TLL1: variants seen among roughly 807,000 people sequenced by gnomAD.
TLL1 encodes the protein tolloid like 1, also known as tolloid-like protein 1.
In TLL1, 49 loss-of-function variants were observed where a neutral mutation model predicts 128.2. The observed-to-expected ratio is 0.38, with a 90% CI of 0.30 to 0.48. The LOEUF is 0.48. Ranked by LOEUF, TLL1 falls within the 20% of genes least tolerant of loss-of-function variation. The pLI is 0.96. For missense variants in TLL1, 1,123 were observed against 1,242.0 expected, an observed-to-expected ratio of 0.90 and a Z score of 1.44; for synonymous variants, 454 against 418.8, an observed-to-expected ratio of 1.08 and a Z score of -1.03.
intron 16 of TLL1, among the ~76,000 whole-genome samples, chr4:166,069,996 G>C (rs1740738987): frequency 6.6e-6 from 1 of 151,744 alleles, no homozygotes; most frequent in African/African-American, 2.4e-5. Flanking sequence ...ACATTATGTA[G>C]AATTATGTGT....
chr4:166,031,703 T>A lies in TLL1; in HGVS notation c.1158+6272T>A, dbSNP rs536965771. Among the ~76,000 whole-genome samples the A allele has an allele frequency of 3.9e-4, 59 of 152,220 alleles. 1 individual carries two copies. In the South Asian group the frequency reaches 8.9e-3, roughly 23 times the overall value. On this transcript the variant is annotated intron_variant, in intron 9 of 20. Coordinates refer to ENST00000061240, the MANE Select transcript of TLL1 (RefSeq NM_012464.5). The stretch of plus-strand genomic sequence containing the variant: ...TTGATTCCAATAATATGAGTTTATT[T>A]CAATGTTATAAAATATGTTAATTTG...
intron 1 of TLL1, among the ~76,000 whole-genome samples, chr4:165,915,187 G>A (rs768202930): frequency 6.6e-6 from 1 of 152,080 alleles, no homozygotes; most frequent in Non-Finnish European, 1.5e-5. Context: ...TCATACATAT[G>A]TACTATAAGT....
At chr4:166,076,221 C>T (rs1170511501) in intron 17 of TLL1, among the ~76,000 whole-genome samples, 5 of 152,094 alleles carry the variant, frequency 3.3e-5, no homozygotes, top group African/African-American at 1.2e-4. Flanking sequence ...TACAGGTGCA[C>T]ACCACCATGC....
chr4:166,017,363 T>C (rs1245195853), intron 8 of TLL1, among the ~76,000 whole-genome samples: 3 of 152,172 alleles, frequency 2.0e-5, no homozygotes, highest in Non-Finnish European at 4.4e-5. Flanking sequence ...GTTGATTCCA[T>C]GGCCTTGCTA....
chr4:165,973,064 G>T (rs912129609), intron 1 of TLL1, among the ~76,000 whole-genome samples: 1 of 152,142 alleles, frequency 6.6e-6, no homozygotes, highest in Admixed American at 6.5e-5. Context: ...GGAGCTGTCT[G>T]TATTAGTCAG....
intron 1 of TLL1, among the ~76,000 whole-genome samples, chr4:165,924,500 G>A (rs1733182201): frequency 6.6e-6 from 1 of 152,208 alleles, no homozygotes; most frequent in Non-Finnish European, 1.5e-5. Context: ...GGCTGAGTGA[G>A]GTGAGGAAGC....
At chr4:166,007,395 TA>T (rs1290351829) in intron 6 of TLL1, among the ~76,000 whole-genome samples, 1 of 151,728 alleles carries the variant, frequency 6.6e-6, no homozygotes, top group Non-Finnish European at 1.5e-5. Flanking sequence ...GTTTCATTTT[TA>T]AATGAAAGTA....
At chr4:165,967,517 A>G (rs930875906) in intron 1 of TLL1, among the ~76,000 whole-genome samples, 1 of 152,230 alleles carries the variant, frequency 6.6e-6, no homozygotes, top group Non-Finnish European at 1.5e-5. Flanking sequence ...TTCTTCTGCC[A>G]TGGCTTTGGC....
chr4:166,060,520 G>T (rs1303665650), intron 15 of TLL1, among the ~76,000 whole-genome samples: 1 of 152,024 alleles, frequency 6.6e-6, no homozygotes, highest in East Asian at 1.9e-4. Flanking sequence ...CCAAAACCCT[G>T]TGGCTGAGTC....
chr4:166,026,550 G>A (rs1320116947), intron 9 of TLL1, among the ~76,000 whole-genome samples: 1 of 152,222 alleles, frequency 6.6e-6, no homozygotes, highest in African/African-American at 2.4e-5. Context: ...AGCTGGGCAT[G>A]TTGGCATGTG....
chr4:165,985,931 G>A (rs1195864049), intron 1 of TLL1, among the ~76,000 whole-genome samples: 1 of 151,780 alleles, frequency 6.6e-6, no homozygotes, highest in East Asian at 1.9e-4. Flanking sequence ...TTGACCATAA[G>A]AATCCAAGCA....
At chr4:166,036,789 C>CTGTGTGTGTGTGTGTGTG (rs3047083) in intron 9 of TLL1, among the ~76,000 whole-genome samples, 4 of 145,122 alleles carry the variant, frequency 2.8e-5, no homozygotes, top group African/African-American at 7.7e-5. Context: ...CCCTATCCAA[C>CTGTGTGTGTGTGTGTGTG]TGTGTGTGTG....
At chr4:165,998,883 T>C (rs541296529) in intron 5 of TLL1, among the ~76,000 whole-genome samples, 2 of 152,282 alleles carry the variant, frequency 1.3e-5, no homozygotes, top group South Asian at 4.1e-4. Context: ...TTTGGGAATG[T>C]AGAGTTGAAC....
At chr4:166,029,334 A>C (rs1333092910) in intron 9 of TLL1, among the ~76,000 whole-genome samples, 3 of 152,010 alleles carry the variant, frequency 2.0e-5, no homozygotes, top group African/African-American at 7.2e-5. Context: ...AGGATCTTAA[A>C]ACATATAAGA....
At chr4:165,980,824 G>C (rs558415916) in intron 1 of TLL1, among the ~76,000 whole-genome samples, 1 of 151,958 alleles carries the variant, frequency 6.6e-6, no homozygotes, top group African/African-American at 2.4e-5. Context: ...CTATTGCCTA[G>C]CACAATATCA....
At position 165,972,125 on chromosome 4, in the gene TLL1, G is replaced by A. The variant is rs1735656551; in HGVS notation, c.170-17256G>A. ...TCTGGAAGTTGTGCCAGCCACCTGT[G>A]TGAATCATACTTATATATTTTATGA... On this transcript the variant is annotated intron_variant, in intron 1 of 20. Transcript: ENST00000061240. 2.6e-5 allele frequency among the ~76,000 whole-genome samples: 4 copies of A among 152,176 alleles called. No individual in the cohort carries two copies. In the South Asian group the frequency reaches 8.3e-4, roughly 32 times the overall value.
chr4:166,047,190 T>A (rs1205034392), intron 12 of TLL1, among the ~76,000 whole-genome samples: 2 of 151,526 alleles, frequency 1.3e-5, no homozygotes, highest in Non-Finnish European at 2.9e-5. Context: ...TGAGATGGAG[T>A]CTTGCTCTGT....
At chr4:166,039,062 C>T (rs1435387819) in intron 9 of TLL1, among the ~76,000 whole-genome samples, 1 of 151,816 alleles carries the variant, frequency 6.6e-6, no homozygotes, top group Non-Finnish European at 1.5e-5. Flanking sequence ...TCCAGATTAA[C>T]TTTACAGAAA....
chr4:165,884,093 A>C (rs1731076185), intron 1 of TLL1, among the ~76,000 whole-genome samples: 1 of 152,212 alleles, frequency 6.6e-6, no homozygotes, highest in African/African-American at 2.4e-5. Flanking sequence ...TTAATTCATT[A>C]AACAATTTTT....
Sources: gnomAD v4.1 joint callset for allele counts (sites outside exome capture counted in the v4.1 genomes callset) on GRCh38, gnomAD v4.1.1 for gene constraint, MANE v1.5 for transcripts, NCBI Gene and HGNC (gene_info 2026-07-23, HGNC 2026-07-21) for gene names.